NUMBL: variants seen among roughly 807,000 people sequenced by gnomAD.
The protein encoded by NUMBL is numb-like protein.
NUMBL carries 20 observed loss-of-function variants against 48.9 expected under a neutral mutation model. The ratio of observed to expected loss-of-function variants is 0.41; its 90% CI spans 0.29 to 0.59. NUMBL has a LOEUF of 0.59. NUMBL is among the 20% of genes least tolerant of loss of function. NUMBL has a pLI of 0.31. For synonymous variants in NUMBL, 340 were observed against 348.7 expected, an observed-to-expected ratio of 0.98 and a Z score of 0.28; for missense variants, 660 against 846.2, an observed-to-expected ratio of 0.78 and a Z score of 2.73.
Position 40,671,013 on chromosome 19 carries a change from G to A in NUMBL, c.1037-993C>T, listed in dbSNP as rs753458941. On this transcript the variant is annotated intron_variant, in intron 8 of 9. Transcript: ENST00000252891. ...TATTTTTGACACAGGGTCTCGCTCT[G>A]TTGCCCAGGCTGGAGTGTAGTGGCA... 3.8e-4 allele frequency among the ~76,000 whole-genome samples: 58 copies of A among 152,248 alleles called. 1 individual carries two copies. The highest frequency in any genetic ancestry group is 2.9e-5 in the Non-Finnish European group (2 of 68,020).
chr19:40,669,093 C>T (rs546279980), intron 9 of NUMBL, among the ~76,000 whole-genome samples: 3 of 152,196 alleles, frequency 2.0e-5, no homozygotes, highest in South Asian at 2.1e-4. Flanking sequence ...GAGGTGACCC[C>T]GTGGCTCTAC....
intron 5 of NUMBL, 40 bp from the exon 6 acceptor site, chr19:40,681,097 CTCTT>C (rs2081903163): frequency 1.2e-5 from 19 of 1,607,128 alleles, no homozygotes; most frequent in Non-Finnish European, 1.5e-5. Context: ...AGTGTGAACT[CTCTT>C]TCAAGTGTTC....
Position 40,686,989 on chromosome 19 carries a change from G to A in NUMBL, c.31C>T (p.Pro11Ser), listed in dbSNP as rs1157286318. 2.6e-6 allele frequency: 4 copies of A among 1,510,348 alleles called. No individual in the cohort carries two copies. Among genetic ancestry groups the A allele is most frequent in the African/African-American group, 1.4e-5 (1 of 70,682 alleles). 93.6% of individuals were successfully genotyped at this position (1,510,348 alleles called of 1,614,324 possible). The change falls in exon 2 of 10, where the codon CCC (proline) becomes TCC (serine). Residue 11 changes from proline to serine, a missense_variant. Pro to Ser is a moderately conservative substitution (Grantham distance 74, BLOSUM62 -1). This residue lies in a region of NUMBL where 86 missense variants were observed against 85.9 expected (regional missense o/e 1.00). Transcript: ENST00000252891. ...GGCAGGTGCCGCTCAGGCCTCCGGG[G>A]TCCGCCCTGCCCGAGTAGGGGAGGA... MSRSAAASGG[P>S]RRPERHLPPA...
At chr19:40,678,709 C>T (rs936990076) in intron 6 of NUMBL, among the ~76,000 whole-genome samples, 7 of 152,104 alleles carry the variant, frequency 4.6e-5, no homozygotes, top group South Asian at 2.1e-4. Context: ...TCATATCTTT[C>T]GCTTTGAAGA....
intron 5 of NUMBL, among the ~76,000 whole-genome samples, chr19:40,681,362 G>C (rs2081904407): frequency 6.6e-6 from 1 of 152,160 alleles, no homozygotes; most frequent in Non-Finnish European, 1.5e-5. Context: ...GCCAGCTTGG[G>C]GTCAGTCAGG....
In NUMBL at chr19:40,687,055, C is replaced by T. The variant is rs1286597062; in HGVS notation, c.25-60G>A. 4 of 1,061,942 alleles carry T rather than the reference C, an allele frequency of 3.8e-6. No homozygotes were observed. The highest frequency in any genetic ancestry group is 5.3e-6 in the Non-Finnish European group (4 of 755,118). 65.8% of individuals were successfully genotyped at this position (1,061,942 alleles called of 1,614,324 possible). On this transcript the variant is annotated intron_variant, in intron 1 of 9. Coordinates refer to ENST00000252891, the MANE Select transcript of NUMBL (RefSeq NM_004756.5). The surrounding 1 kb of genome is among the most constrained non-coding windows in gnomAD (Gnocchi z 4.6). ...GTCTGGGTTGGGGCTCAGTCTGATACTTCACCCCGACTTTGGACTTCGGCC... is the reference window on the plus strand; with the variant it reads ...GTCTGGGTTGGGGCTCAGTCTGATATTTCACCCCGACTTTGGACTTCGGCC...
chr19:40,677,361 G>A lies in NUMBL; in HGVS notation c.601C>T (p.Arg201Ter). 1.9e-6 allele frequency: 3 copies of A among 1,611,824 alleles called. No homozygotes were observed. Among genetic ancestry groups the A allele is most frequent in the Non-Finnish European group, 2.5e-6 (3 of 1,179,936 alleles). ...GTGACCCCACATTCCTTCTCCCGTC[G>A]CTGTTTTCGCTCCAGGCAGGCGGCA... is the stretch of plus-strand genomic sequence containing the variant. The part of the protein sequence containing the change: ...AFAACLERKQ[R>*]REKECGVTAA... Residue 201 changes from arginine to a stop codon, truncating the protein, a stop_gained, in exon 7 of 10, where the codon CGA (arginine) becomes TGA (stop). Transcript: ENST00000252891. LOFTEE classifies it high-confidence loss of function.
In NUMBL at chr19:40,673,422, T is replaced by G; in HGVS notation, c.958A>C (p.Lys320Gln). The stretch of plus-strand genomic sequence containing the variant: ...TTCAGCCGTAGGCTCAGCTGCCGTT[T>G]GAAAGGCGAGTTCTTCTGGCTGAGT... ...PALSQKNSPF[K>Q]RQLSLRLNEL... The change falls in exon 8 of 10, where the codon AAA (lysine) becomes CAA (glutamine). Residue 320 changes from lysine to glutamine, a missense_variant. Transcript: ENST00000252891. The surrounding 1 kb of genome is among the most constrained non-coding windows in gnomAD (Gnocchi z 5.9). The G allele has an allele frequency of 6.2e-7, 1 of 1,613,414 alleles. No individual in the cohort carries two copies. The highest frequency in any genetic ancestry group is 8.5e-7 in the Non-Finnish European group (1 of 1,179,714).
At chr19:40,689,954 C>G (rs557304746) in intron 1 of NUMBL, 21 of 152,200 alleles carry the variant, frequency 1.4e-4, no homozygotes, top group African/African-American at 5.1e-4. Context: ...GCCTCTGAGA[C>G]CTGGGGGCAG....
intron 6 of NUMBL, among the ~76,000 whole-genome samples, chr19:40,678,565 AG>A (rs2081889823): frequency 6.6e-6 from 1 of 152,314 alleles, no homozygotes; most frequent in Non-Finnish European, 1.5e-5. Flanking sequence ...CCAGGAAAAG[AG>A]CCCTCACCAA....
In NUMBL at chr19:40,665,939, T is replaced by C. The variant is rs1467378695; in HGVS notation, c.*1529A>G. The C allele has an allele frequency of 3.3e-5, 5 of 152,266 alleles. No individual in the cohort carries two copies. Among genetic ancestry groups the C allele is most frequent in the African/African-American group, 1.2e-4 (5 of 41,546 alleles). 9.4% of individuals were successfully genotyped at this position (152,266 alleles called of 1,614,324 possible). A position where few individuals can be genotyped will look rare whatever the true frequency, so the allele number is the denominator to read the frequency against. On this transcript the variant is annotated 3_prime_UTR_variant, in exon 10 of 10. Transcript: ENST00000252891. ...GCTATAACGAAACAAAATTTATATG[T>C]TATATATTTTTAAAAATACATCTTA... is the stretch of plus-strand genomic sequence containing the variant.
At chr19:40,683,897 C>G (rs1195530472) in intron 3 of NUMBL, among the ~76,000 whole-genome samples, 1 of 151,828 alleles carries the variant, frequency 6.6e-6, no homozygotes, top group African/African-American at 2.4e-5. Flanking sequence ...CCCACCTCAG[C>G]CTTGTGAGTA....
At chr19:40,677,510 G>A (rs1343726681) in intron 6 of NUMBL, 89 bp from the exon 7 acceptor site, 2 of 1,235,610 alleles carry the variant, frequency 1.6e-6, no homozygotes, top group Non-Finnish European at 2.2e-6. Context: ...CTAGGTACTG[G>A]GTTGCCCCGG....
In NUMBL at chr19:40,673,572, A is replaced by T; in HGVS notation, c.808T>A (p.Ser270Thr). 1 of 1,546,376 alleles carries T rather than the reference A, an allele frequency of 6.5e-7. No individual in the cohort carries two copies. Among genetic ancestry groups the T allele is most frequent in the Non-Finnish European group, 8.7e-7 (1 of 1,143,332 alleles). Residue 270 changes from serine (S) to threonine (T), a missense_variant, in exon 8 of 10, where the codon TCC becomes ACC. Around this residue, in one of 3 missense-constraint regions of NUMBL, gnomAD observed 278 missense variants for 420.6 expected, o/e 0.66. Transcript: ENST00000252891. The surrounding 1 kb of genome is among the most constrained non-coding windows in gnomAD (Gnocchi z 5.9). ...GHVSPTPATT[S>T]PGEKGEAGTP... Reference sequence around the variant, plus strand: ...CCTGCCTCACCCTTCTCACCAGGGGATGTGGTGGCTGGTGTCGGGGACACG... The same window carrying T: ...CCTGCCTCACCCTTCTCACCAGGGGTTGTGGTGGCTGGTGTCGGGGACACG...
At chr19:40,672,687 G>A (rs1000965576) in intron 8 of NUMBL, among the ~76,000 whole-genome samples, 6 of 152,270 alleles carry the variant, frequency 3.9e-5, no homozygotes, top group African/African-American at 1.2e-4. Context: ...ACTGCTAACC[G>A]ATCATGATGT....
At chr19:40,683,049 T>G in intron 3 of NUMBL, 81 bp from the exon 4 acceptor site, 1 of 1,202,558 alleles carries the variant, frequency 8.3e-7, no homozygotes, top group Admixed American at 1.7e-5. Flanking sequence ...GCATCTGCCA[T>G]GCAGTAGACA....
chr19:40,684,239 G>A, intron 3 of NUMBL, 178 bp downstream of exon 3: 1 of 645,474 alleles, frequency 1.5e-6, no homozygotes. Context: ...AGGCTAATTT[G>A]TTGTATTTCT....
chr19:40,674,360 T>C (rs1212941117), intron 7 of NUMBL, among the ~76,000 whole-genome samples: 2 of 152,162 alleles, frequency 1.3e-5, no homozygotes, highest in Non-Finnish European at 2.9e-5. Context: ...TTCCAGATTG[T>C]TCCAGGCTCT....
At position 40,675,827 on chromosome 19, in the gene NUMBL, A is replaced by G. The variant is rs960225569; in HGVS notation, c.730+1405T>C. Among the ~76,000 whole-genome samples the G allele has an allele frequency of 2.6e-5, 4 of 152,004 alleles. No homozygotes were observed. In the East Asian group the frequency reaches 7.7e-4, roughly 29 times the overall value. ...CCCTTATGCCATTCAATATACTCTG[A>G]TATTTTCTATGATTCTCTATTTCAT... On this transcript the variant is annotated intron_variant, in intron 7 of 9. Coordinates refer to ENST00000252891, the MANE Select transcript of NUMBL (RefSeq NM_004756.5).
Sources: allele counts gnomAD v4.1 joint callset (sites outside exome capture counted in the v4.1 genomes callset), GRCh38; gene constraint gnomAD v4.1.1; regional missense constraint gnomAD v4.1.1; non-coding constraint Gnocchi (gnomAD v3.1); transcripts MANE v1.5; gene names NCBI Gene and HGNC (gene_info 2026-07-23, HGNC 2026-07-21).